Variants in TUT4 observed in about 807,000 individuals in gnomAD.
TUT4 encodes terminal uridylyltransferase 4.
In TUT4, 36 loss-of-function variants were observed where a neutral mutation model predicts 192.2. The observed-to-expected ratio is 0.19, with a 90% CI of 0.14 to 0.25. The LOEUF is 0.25. Among genes scored for constraint, TUT4 ranks in the 10% least tolerant of loss-of-function variants. The pLI, the probability that TUT4 is intolerant of heterozygous loss-of-function variation, is 1.00. For missense variants in TUT4, 1,493 were observed against 1,957.2 expected (o/e 0.76, Z 4.47); for synonymous variants, 618 against 666.0 (o/e 0.93, Z 1.11).
chr1:52,535,505 T>C (rs1219309974), intron 1 of TUT4, among the ~76,000 whole-genome samples: 1 of 152,216 alleles, frequency 6.6e-6, no homozygotes, highest in Non-Finnish European at 1.5e-5. Flanking sequence ...TATTTTTTGT[T>C]CTCTGGCATT....
chr1:52,495,351 T>C (rs1486046668), intron 6 of TUT4, 76 bp downstream of exon 6: 1 of 908,562 alleles, frequency 1.1e-6, no homozygotes, highest in African/African-American at 1.7e-5. Flanking sequence ...TTCCCTATCC[T>C]TTCTCTACAA....
At chr1:52,483,660 A>T (rs959721170) in intron 9 of TUT4, among the ~76,000 whole-genome samples, 1 of 152,084 alleles carries the variant, frequency 6.6e-6, no homozygotes, top group Non-Finnish European at 1.5e-5. Context: ...AAATACAAAA[A>T]TTAGCCAGGC....
intron 27 of TUT4, chr1:52,432,412 A>G (rs1652379090): frequency 6.6e-6 from 1 of 152,214 alleles, no homozygotes; most frequent in African/African-American, 2.4e-5. Flanking sequence ...GAAGTTTAAT[A>G]TTACTGGAGT....
chr1:52,545,859 T>C (rs556839646), intron 1 of TUT4, among the ~76,000 whole-genome samples: 2 of 151,368 alleles, frequency 1.3e-5, no homozygotes, highest in South Asian at 4.2e-4. Flanking sequence ...CGATGGCTCA[T>C]GCCTGTAATC....
At chr1:52,490,696 T>C in intron 8 of TUT4, 36 bp downstream of exon 8, 1 of 1,569,120 alleles carries the variant, frequency 6.4e-7, no homozygotes. Flanking sequence ...TGTTGGGGTT[T>C]GTTTTTTTAA....
At chr1:52,460,396 C>T (rs368474935) in intron 19 of TUT4, among the ~76,000 whole-genome samples, 2 of 151,862 alleles carry the variant, frequency 1.3e-5, no homozygotes, top group African/African-American at 2.4e-5. Context: ...GCAGGAGAAT[C>T]GCTTAAACCC....
intron 1 of TUT4, among the ~76,000 whole-genome samples, chr1:52,536,894 G>T (rs142054604): frequency 1.3e-5 from 2 of 151,852 alleles, no homozygotes; most frequent in East Asian, 3.9e-4. Context: ...GGCCGGGCGC[G>T]GTGGCTCACG....
At chr1:52,464,744 C>T (rs1663640694) in intron 16 of TUT4, among the ~76,000 whole-genome samples, 1 of 152,160 alleles carries the variant, frequency 6.6e-6, no homozygotes, top group African/African-American at 2.4e-5. Context: ...TCAATGTTCA[C>T]TACAAAACTG....
intron 4 of TUT4, among the ~76,000 whole-genome samples, chr1:52,509,385 C>A (rs1320898052): frequency 1.3e-5 from 2 of 152,138 alleles, no homozygotes; most frequent in African/African-American, 4.8e-5. Context: ...ACTTAGGAAT[C>A]AACATTCTAA....
intron 20 of TUT4, among the ~76,000 whole-genome samples, chr1:52,453,787 G>T (rs2406652): frequency 0.33 from 49,626 of 152,014 alleles, 12,108 homozygotes; most frequent in African/African-American, 0.7. Context: ...GGTATACAGG[G>T]TGAGAAGAAA....
At chr1:52,493,586 G>C in intron 7 of TUT4, 25 bp downstream of exon 7, 1 of 1,300,774 alleles carries the variant, frequency 7.7e-7, no homozygotes, top group African/African-American at 1.6e-5. Flanking sequence ...AAAAAAAAAA[G>C]AAAAGAAAAA....
intron 20 of TUT4, among the ~76,000 whole-genome samples, chr1:52,456,411 CAAAAA>C (rs1157223640): frequency 1.3e-3 from 15 of 11,998 alleles, no homozygotes; most frequent in African/African-American, 2.3e-3. Context: ...GACTGTGTCT[CAAAAA>C]AAAAAAAAAA....
intron 18 of TUT4, 121 bp downstream of exon 18, chr1:52,461,391 AG>A: frequency 8.8e-7 from 1 of 1,142,542 alleles, no homozygotes; most frequent in East Asian, 2.5e-5. Flanking sequence ...GGAACTATCA[AG>A]ATAACTAGTA....
intron 24 of TUT4, among the ~76,000 whole-genome samples, chr1:52,442,914 A>C (rs1656107147): frequency 6.6e-6 from 1 of 152,200 alleles, no homozygotes; most frequent in Admixed American, 6.5e-5. Flanking sequence ...CATTATTAAG[A>C]ATTACTAAAA....
At chr1:52,498,954 A>G (rs1673334334) in intron 4 of TUT4, among the ~76,000 whole-genome samples, 1 of 89,346 alleles carries the variant, frequency 1.1e-5, no homozygotes, top group African/African-American at 4.8e-5. Context: ...ATATATATAT[A>G]TATATGACAT....
chr1:52,523,545 G>C (rs910705201), intron 2 of TUT4, among the ~76,000 whole-genome samples: 23 of 151,728 alleles, frequency 1.5e-4, no homozygotes, highest in Non-Finnish European at 1.9e-4. Flanking sequence ...GTGGAGCCAA[G>C]TTCACACCAC....
intron 1 of TUT4, among the ~76,000 whole-genome samples, chr1:52,546,314 CA>C (rs1324943704): frequency 6.6e-6 from 1 of 151,948 alleles, no homozygotes; most frequent in East Asian, 1.9e-4. Flanking sequence ...TACTCATAGA[CA>C]AAGGGATAAG....
At chr1:52,482,075 A>C in intron 9 of TUT4, 152 bp from the exon 10 acceptor site, 1 of 537,564 alleles carries the variant, frequency 1.9e-6, no homozygotes, top group Non-Finnish European at 2.9e-6. Flanking sequence ...ACTCTAAAAT[A>C]ACCATTAAAA....
At chr1:52,486,685 G>C (rs1327215637) in intron 9 of TUT4, among the ~76,000 whole-genome samples, 2 of 152,068 alleles carry the variant, frequency 1.3e-5, no homozygotes, top group African/African-American at 4.8e-5. Context: ...AACGAGACAT[G>C]TTATTCTGTT....
Sources: allele counts gnomAD v4.1 joint callset (sites outside exome capture counted in the v4.1 genomes callset), GRCh38; gene constraint gnomAD v4.1.1; transcripts MANE v1.5; gene names NCBI Gene and HGNC (gene_info 2026-07-23, HGNC 2026-07-21).